The following DTD1 variants were observed in gnomAD, a reference collection of about 807,000 sequenced individuals.
DTD1 encodes the protein D-aminoacyl-tRNA deacylase 1.
DTD1 carries 13 observed loss-of-function variants against 25.6 expected under a neutral mutation model. The ratio of observed to expected loss-of-function variants is 0.51; its 90% confidence interval spans 0.33 to 0.81. The LOEUF (loss-of-function observed/expected upper bound fraction) is 0.81. DTD1 is among the 30% of genes least tolerant of loss of function. The pLI is 0.02. For missense variants in DTD1, 193 were observed against 266.4 expected (o/e 0.72, Z 1.92); for synonymous variants, 110 against 103.6 (o/e 1.06, Z -0.37).
chr20:18,707,721 C>T (rs542826726), intron 4 of DTD1, among the ~76,000 whole-genome samples: 7 of 152,156 alleles, frequency 4.6e-5, no homozygotes, highest in East Asian at 1.9e-4. Context: ...TGGGCTTTGC[C>T]GCAGAAACTC....
chr20:18,626,857 G>A lies in DTD1; in HGVS notation c.371-1270G>A, dbSNP rs1022739973. ...ATCCTGGCAACAGAAATTCAAGGTC[G>A]GAAATAATTCCTGTCCTCTTGAGCC... On this transcript the variant is annotated intron_variant, in intron 3 of 5. Transcript: ENST00000377452. Among the ~76,000 whole-genome samples, 5 of 152,222 alleles carry A rather than the reference G, an allele frequency of 3.3e-5. No homozygotes were observed. In the East Asian group the frequency reaches 7.7e-4, roughly 23 times the overall value.
At chr20:18,589,925 A>G (rs1227309990) in intron 1 of DTD1, among the ~76,000 whole-genome samples, 1 of 152,028 alleles carries the variant, frequency 6.6e-6, no homozygotes, top group Non-Finnish European at 1.5e-5. Flanking sequence ...GAACTGTGGA[A>G]TTCTGTTAGA....
At chr20:18,715,805 C>T (rs181204273) in intron 4 of DTD1, among the ~76,000 whole-genome samples, 10 of 152,244 alleles carry the variant, frequency 6.6e-5, no homozygotes, top group Admixed American at 5.9e-4. Context: ...CATTCATAGG[C>T]TTCACATTCT....
intron 4 of DTD1, among the ~76,000 whole-genome samples, chr20:18,629,451 C>A (rs1406134848): frequency 1.3e-5 from 2 of 151,528 alleles, no homozygotes; most frequent in Non-Finnish European, 2.9e-5. Flanking sequence ...CAGGCATACG[C>A]TACCATGCTG....
intron 1 of DTD1, among the ~76,000 whole-genome samples, chr20:18,590,423 C>G (rs945120118): frequency 6.6e-6 from 1 of 152,004 alleles, no homozygotes; most frequent in African/African-American, 2.4e-5. Flanking sequence ...TATAGTAACC[C>G]TGTAATATCA....
intron 4 of DTD1, among the ~76,000 whole-genome samples, chr20:18,697,830 G>A (rs1250782916): frequency 1.3e-5 from 2 of 152,180 alleles, no homozygotes; most frequent in Non-Finnish European, 2.9e-5. Context: ...GACTACAGGC[G>A]CCTGTCACCG....
intron 4 of DTD1, among the ~76,000 whole-genome samples, chr20:18,671,260 A>G (rs1320262470): frequency 1.3e-5 from 2 of 152,220 alleles, no homozygotes; most frequent in South Asian, 2.1e-4. Context: ...TTAATGGCTT[A>G]TTTAATTGAG....
intron 4 of DTD1, among the ~76,000 whole-genome samples, chr20:18,737,571 G>C (rs1179850044): frequency 1.3e-5 from 2 of 152,212 alleles, no homozygotes; most frequent in African/African-American, 4.8e-5. Context: ...GTCAGACTCT[G>C]CTCCCTCACT....
At chr20:18,590,801 T>C (rs1048461320) in intron 1 of DTD1, among the ~76,000 whole-genome samples, 6 of 152,178 alleles carry the variant, frequency 3.9e-5, no homozygotes, top group African/African-American at 1.4e-4. Context: ...TGCCTTAGGT[T>C]GGGTACTGTG....
At chr20:18,682,747 C>T (rs1643891545) in intron 4 of DTD1, among the ~76,000 whole-genome samples, 1 of 152,214 alleles carries the variant, frequency 6.6e-6, no homozygotes, top group South Asian at 2.1e-4. Flanking sequence ...AGCGAGCACA[C>T]CCAATATCCA....
intron 4 of DTD1, among the ~76,000 whole-genome samples, chr20:18,686,719 C>A (rs563191368): frequency 1.0e-4 from 15 of 149,814 alleles, no homozygotes; most frequent in African/African-American, 3.4e-4. Context: ...TGTTCCTGTC[C>A]TTTGCTGGTT....
intron 4 of DTD1, among the ~76,000 whole-genome samples, chr20:18,689,683 A>G (rs1032749712): frequency 1.3e-5 from 2 of 152,166 alleles, no homozygotes; most frequent in East Asian, 1.9e-4. Flanking sequence ...TTTTAAAACT[A>G]TCTAGACCAG....
At chr20:18,708,361 TA>T (rs201081904) in intron 4 of DTD1, among the ~76,000 whole-genome samples, 21,856 of 74,338 alleles carry the variant, frequency 0.29, 4,933 homozygotes, top group Non-Finnish European at 0.36. Flanking sequence ...TATCTATATA[TA>T]TATTTTTTTT....
At chr20:18,761,817 GT>G in intron 5 of DTD1, among the ~76,000 whole-genome samples, 1 of 152,324 alleles carries the variant, frequency 6.6e-6, no homozygotes, top group African/African-American at 2.4e-5. Flanking sequence ...CCCCAGGTCC[GT>G]AACTTGGGTT....
At chr20:18,625,376 A>G (rs916306360) in intron 3 of DTD1, among the ~76,000 whole-genome samples, 2 of 152,192 alleles carry the variant, frequency 1.3e-5, no homozygotes, top group Non-Finnish European at 2.9e-5. Context: ...GTCTCTGCCT[A>G]AGGCCCCAGA....
intron 3 of DTD1, among the ~76,000 whole-genome samples, chr20:18,612,192 G>T (rs1001710941): frequency 6.6e-6 from 1 of 151,382 alleles, no homozygotes; most frequent in African/African-American, 2.4e-5. Flanking sequence ...CCGCCACTAC[G>T]CCCGGCTAAT....
At chr20:18,600,380 C>T (rs1276863099) in intron 3 of DTD1, among the ~76,000 whole-genome samples, 1 of 152,148 alleles carries the variant, frequency 6.6e-6, no homozygotes, top group Non-Finnish European at 1.5e-5. Context: ...ATTGTATTGC[C>T]TTTGCTCCTT....
chr20:18,750,816 T>C (rs1160300838), intron 5 of DTD1, among the ~76,000 whole-genome samples: 1 of 152,192 alleles, frequency 6.6e-6, no homozygotes, highest in Non-Finnish European at 1.5e-5. Flanking sequence ...ATGATGTGGT[T>C]TCTGATTTGA....
chr20:18,643,096 G>A (rs986546451), intron 4 of DTD1: 6 of 164,698 alleles, frequency 3.6e-5, no homozygotes, highest in South Asian at 1.5e-4. Context: ...TGTATTTTTA[G>A]TAGAGATGGG....
Sources: gnomAD v4.1 joint callset for allele counts (sites outside exome capture counted in the v4.1 genomes callset) on GRCh38, gnomAD v4.1.1 for gene constraint, MANE v1.5 for transcripts, NCBI Gene and HGNC (gene_info 2026-07-23, HGNC 2026-07-21) for gene names.